NRXN3: variants seen among roughly 807,000 people sequenced by gnomAD.
The protein encoded by NRXN3 is neurexin 3, also known as neurexin III.
A neutral mutation model predicts 137.6 loss-of-function variants in NRXN3; 32 were observed. That is an observed-to-expected ratio of 0.23 (90% confidence interval 0.18 to 0.31). NRXN3 has a LOEUF of 0.31. NRXN3 is among the 10% of genes least tolerant of loss of function. The probability of loss-of-function intolerance (pLI) is 1.00; values close to 1 mark genes in which losing one functional copy is unlikely to be tolerated. For synonymous variants in NRXN3, 798 were observed against 784.5 expected (o/e 1.02, Z -0.29); for missense variants, 1,574 against 2,062.5 (o/e 0.76, Z 4.59).
intron 4 of NRXN3, among the ~76,000 whole-genome samples, chr14:78,573,010 A>G (rs2096904078): frequency 6.6e-6 from 1 of 152,232 alleles, no homozygotes; most frequent in Non-Finnish European, 1.5e-5. Flanking sequence ...GGTTTCTGCC[A>G]TTCTGTTCTC....
chr14:78,589,593 A>G (rs1229377347), intron 4 of NRXN3, among the ~76,000 whole-genome samples: 1 of 152,090 alleles, frequency 6.6e-6, no homozygotes, highest in Non-Finnish European at 1.5e-5. Flanking sequence ...AGCTCTTTTC[A>G]TCTGCTGCCT....
chr14:78,812,572 G>A (rs949303165), intron 10 of NRXN3, among the ~76,000 whole-genome samples: 2 of 152,044 alleles, frequency 1.3e-5, no homozygotes, highest in South Asian at 2.1e-4. Context: ...GATCAGCCAC[G>A]GAAAGTCATC....
intron 15 of NRXN3, among the ~76,000 whole-genome samples, chr14:79,029,299 A>T (rs765042814): frequency 6.6e-6 from 1 of 152,098 alleles, no homozygotes; most frequent in Non-Finnish European, 1.5e-5. Context: ...CTATTTGCTT[A>T]GTTTTCAATA....
At chr14:79,337,018 C>T (rs1017075609) in intron 15 of NRXN3, among the ~76,000 whole-genome samples, 17 of 152,112 alleles carry the variant, frequency 1.1e-4, no homozygotes, top group South Asian at 2.1e-4. Context: ...CCGTTAAAAA[C>T]GCTTCACCTA....
intron 4 of NRXN3, among the ~76,000 whole-genome samples, chr14:78,401,463 C>T (rs2092052192): frequency 6.6e-6 from 1 of 152,108 alleles, no homozygotes; most frequent in Non-Finnish European, 1.5e-5. Flanking sequence ...CCACGTCTGG[C>T]CCAAAGGCCA....
chr14:78,245,544 G>T (rs1360952660), intron 2 of NRXN3, among the ~76,000 whole-genome samples: 1 of 152,172 alleles, frequency 6.6e-6, no homozygotes, highest in Admixed American at 6.5e-5. Context: ...GACTGCAGGT[G>T]TTCCTTAAGT....
At chr14:79,640,982 T>G (rs529183125) in intron 16 of NRXN3, among the ~76,000 whole-genome samples, 1 of 134,812 alleles carries the variant, frequency 7.4e-6, no homozygotes, top group African/African-American at 2.4e-5. Flanking sequence ...TTCTATATTA[T>G]CAGTTGCTGT....
chr14:78,773,271 T>A (rs1226860337), intron 8 of NRXN3, among the ~76,000 whole-genome samples: 1 of 152,302 alleles, frequency 6.6e-6, no homozygotes, highest in East Asian at 1.9e-4. Flanking sequence ...TTCCCCTAGC[T>A]CCTGGGACTA....
At chr14:79,832,326 C>T (rs773489293) in intron 20 of NRXN3, among the ~76,000 whole-genome samples, 2 of 152,078 alleles carry the variant, frequency 1.3e-5, no homozygotes, top group African/African-American at 4.8e-5. Context: ...AAAGGAATTA[C>T]AGTATGGAGT....
At chr14:78,201,139 C>G (rs1448260869) in intron 1 of NRXN3, among the ~76,000 whole-genome samples, 4 of 152,182 alleles carry the variant, frequency 2.6e-5, no homozygotes, top group Non-Finnish European at 4.4e-5. Context: ...GAAGTGACAG[C>G]CTGCTGACCA....
chr14:78,739,687 C>T (rs1595386994), intron 8 of NRXN3, among the ~76,000 whole-genome samples: 1 of 152,020 alleles, frequency 6.6e-6, no homozygotes, highest in Non-Finnish European at 1.5e-5. Flanking sequence ...GGCCAGGCTG[C>T]TCTCGAACCC....
chr14:79,472,423 G>T (rs547253197), intron 16 of NRXN3, among the ~76,000 whole-genome samples: 30 of 152,234 alleles, frequency 2.0e-4, no homozygotes, highest in Non-Finnish European at 4.1e-4. Context: ...GAAATTGCTT[G>T]CTTCAAATTA....
chr14:78,279,203 G>A (rs2074052143), intron 3 of NRXN3, among the ~76,000 whole-genome samples: 1 of 152,126 alleles, frequency 6.6e-6, no homozygotes, highest in Admixed American at 6.5e-5. Context: ...GAAAAAAAAA[G>A]CAGGATGGTT....
chr14:79,317,232 C>CA (rs1290040386), intron 15 of NRXN3, among the ~76,000 whole-genome samples: 4 of 150,778 alleles, frequency 2.7e-5, no homozygotes, highest in Admixed American at 6.6e-5. Flanking sequence ...GGCTACTTCT[C>CA]AAAAAAGAAA....
intron 4 of NRXN3, among the ~76,000 whole-genome samples, chr14:78,396,694 T>C (rs2091491610): frequency 6.6e-6 from 1 of 152,212 alleles, no homozygotes; most frequent in African/African-American, 2.4e-5. Context: ...TATGCTATCA[T>C]TCAAATTATT....
chr14:78,734,206 AACACACACACACACAC>A (rs10563958), intron 8 of NRXN3, among the ~76,000 whole-genome samples: 30 of 137,786 alleles, frequency 2.2e-4, no homozygotes, highest in East Asian at 8.9e-4. Flanking sequence ...CTGCATCTGA[AACACACACACACACAC>A]ACACACACAC....
At chr14:79,514,873 G>T (rs1438931917) in intron 16 of NRXN3, among the ~76,000 whole-genome samples, 1 of 141,430 alleles carries the variant, frequency 7.1e-6, no homozygotes, top group African/African-American at 3.2e-5. Flanking sequence ...GGAATGATGC[G>T]TTTTCTCTCA....
chr14:78,783,160 C>G (rs1459904342), intron 8 of NRXN3, among the ~76,000 whole-genome samples: 2 of 152,156 alleles, frequency 1.3e-5, no homozygotes, highest in Admixed American at 1.3e-4. Context: ...TTGGAAGATC[C>G]TGACTTTATC....
At chr14:79,517,969 G>A (rs201976400) in intron 16 of NRXN3, among the ~76,000 whole-genome samples, 85 of 135,212 alleles carry the variant, frequency 6.3e-4, no homozygotes, top group Non-Finnish European at 8.8e-4. Flanking sequence ...ACAGTGGTGC[G>A]ATCTCGGTTC....
Sources: allele counts gnomAD v4.1 joint callset (sites outside exome capture counted in the v4.1 genomes callset), GRCh38; gene constraint gnomAD v4.1.1; transcripts MANE v1.5; gene names NCBI Gene and HGNC (gene_info 2026-07-23, HGNC 2026-07-21).